The following ADAMTS16 variants were observed in gnomAD, a reference collection of about 807,000 sequenced individuals.
The protein encoded by ADAMTS16 is ADAM metallopeptidase with thrombospondin type 1 motif 16, also known as A disintegrin and metalloproteinase with thrombospondin motifs 16.
In ADAMTS16, 94 loss-of-function variants were observed where a neutral mutation model predicts 145.8. That is an observed-to-expected ratio of 0.64 (90% CI 0.55 to 0.77). ADAMTS16 has a LOEUF of 0.77. Among genes scored for constraint, ADAMTS16 ranks in the 30% least tolerant of loss-of-function variants. The probability of loss-of-function intolerance (pLI) is 0.00; values close to 1 mark genes in which losing one functional copy is unlikely to be tolerated. For missense variants in ADAMTS16, 1,585 were observed against 1,591.5 expected (o/e 1.00, Z 0.07); for synonymous variants, 659 against 604.3 (o/e 1.09, Z -1.33).
intron 3 of ADAMTS16, among the ~76,000 whole-genome samples, chr5:5,163,924 A>C (rs907055586): frequency 2.7e-4 from 41 of 152,236 alleles, no homozygotes. Context: ...AACAGAGCAC[A>C]GGGTGAACAG....
At chr5:5,292,048 G>A (rs1739342795) in intron 18 of ADAMTS16, among the ~76,000 whole-genome samples, 1 of 152,204 alleles carries the variant, frequency 6.6e-6, no homozygotes, top group Non-Finnish European at 1.5e-5. Context: ...TGGACAGACA[G>A]AATGGCCCTC....
chr5:5,271,192 A>G (rs1391524640), intron 18 of ADAMTS16, among the ~76,000 whole-genome samples: 2 of 152,242 alleles, frequency 1.3e-5, no homozygotes, highest in Non-Finnish European at 2.9e-5. Context: ...GGCTCCTGCA[A>G]TTGCATTGCC....
intron 17 of ADAMTS16, among the ~76,000 whole-genome samples, chr5:5,261,563 T>C (rs1343161777): frequency 1.3e-5 from 2 of 149,596 alleles, no homozygotes; most frequent in Non-Finnish European, 3.0e-5. Context: ...CTCTGCTCAC[T>C]GCAACCTCCA....
At chr5:5,235,308 C>A (rs569043331) in intron 13 of ADAMTS16, 122 bp downstream of exon 13, 2 of 1,051,380 alleles carry the variant, frequency 1.9e-6, no homozygotes, top group Non-Finnish European at 2.5e-6. Context: ...AGGTGAGGGT[C>A]GCATATTCTC....
At chr5:5,157,379 G>A (rs1455178414) in intron 3 of ADAMTS16, among the ~76,000 whole-genome samples, 1 of 151,234 alleles carries the variant, frequency 6.6e-6, no homozygotes, top group East Asian at 1.9e-4. Flanking sequence ...TAGCAGTTTT[G>A]TAGCAAAAAT....
chr5:5,175,792 C>T (rs1247712912), intron 3 of ADAMTS16, among the ~76,000 whole-genome samples: 3 of 152,104 alleles, frequency 2.0e-5, no homozygotes, highest in Non-Finnish European at 4.4e-5. Flanking sequence ...GATAGGGCAG[C>T]ACTGAATTCC....
chr5:5,196,857 T>C (rs977454235), intron 8 of ADAMTS16, among the ~76,000 whole-genome samples: 5 of 152,170 alleles, frequency 3.3e-5, no homozygotes, highest in African/African-American at 1.2e-4. Context: ...GGGGGTCAAG[T>C]AATTTGCCCA....
At chr5:5,227,902 T>C (rs1328164165) in intron 11 of ADAMTS16, among the ~76,000 whole-genome samples, 1 of 152,210 alleles carries the variant, frequency 6.6e-6, no homozygotes, top group Non-Finnish European at 1.5e-5. Flanking sequence ...GAATATTATG[T>C]ATCTGTAAAA....
chr5:5,277,334 T>A (rs982423696), intron 18 of ADAMTS16, among the ~76,000 whole-genome samples: 1 of 152,114 alleles, frequency 6.6e-6, no homozygotes, highest in South Asian at 2.1e-4. Flanking sequence ...ACTTACTGAG[T>A]GACAGACAGC....
At chr5:5,170,746 A>G (rs1419603700) in intron 3 of ADAMTS16, among the ~76,000 whole-genome samples, 1 of 151,518 alleles carries the variant, frequency 6.6e-6, no homozygotes, top group African/African-American at 2.4e-5. Flanking sequence ...AGCTCCTTAT[A>G]TATTCTGGTT....
chr5:5,230,191 G>T (rs1380016634), intron 11 of ADAMTS16, among the ~76,000 whole-genome samples: 1 of 152,128 alleles, frequency 6.6e-6, no homozygotes. Flanking sequence ...CCAACAAACA[G>T]ATCCATTATT....
intron 21 of ADAMTS16, 49 bp from the exon 22 acceptor site, chr5:5,318,085 G>T: frequency 1.5e-6 from 2 of 1,316,420 alleles, no homozygotes; most frequent in East Asian, 2.9e-5. Context: ...GGTTGACCAG[G>T]TGCCTGAGAG....
chr5:5,293,016 C>A (rs1405845297), intron 18 of ADAMTS16, among the ~76,000 whole-genome samples: 1 of 152,162 alleles, frequency 6.6e-6, no homozygotes, highest in Non-Finnish European at 1.5e-5. Context: ...CAGTGCATCT[C>A]ATGGGAATGG....
At chr5:5,254,151 A>G (rs1425290088) in intron 17 of ADAMTS16, among the ~76,000 whole-genome samples, 1 of 151,924 alleles carries the variant, frequency 6.6e-6, no homozygotes, top group Non-Finnish European at 1.5e-5. Context: ...TTCAGGCTTG[A>G]TTTTTTTCAA....
At chr5:5,259,124 G>C (rs184943621) in intron 17 of ADAMTS16, among the ~76,000 whole-genome samples, 2 of 152,292 alleles carry the variant, frequency 1.3e-5, no homozygotes, top group East Asian at 3.9e-4. Context: ...CACTGACAGC[G>C]ATAATTTTCT....
chr5:5,306,510 G>C lies in ADAMTS16; in HGVS notation c.3193G>C (p.Val1065Leu), dbSNP rs1740165511. Residue 1065 changes from valine (V) to leucine (L), a missense_variant, in exon 21 of 23, where the codon GTG becomes CTG. Val to Leu is a conservative substitution (Grantham distance 32). Around this residue, in one of 3 missense-constraint regions of ADAMTS16, gnomAD observed 834 missense variants for 811.7 expected, o/e 1.03. Transcript: ENST00000274181. ...WLVSAWSQCS[V>L]TCERGTQKRF... is the part of the protein sequence containing the mutation. ...TTTGTTCTCTTCTTTTTAGTGCTCT[G>C]TGACATGTGAAAGAGGAACACAGAA... 1 of 1,612,672 alleles carries C rather than the reference G, an allele frequency of 6.2e-7. No individual in the cohort carries two copies. The highest frequency in any genetic ancestry group is 8.5e-7 in the Non-Finnish European group (1 of 1,178,962).
chr5:5,230,246 G>A (rs1736884374), intron 11 of ADAMTS16, among the ~76,000 whole-genome samples: 1 of 152,212 alleles, frequency 6.6e-6, no homozygotes, highest in Non-Finnish European at 1.5e-5. Flanking sequence ...GGGAGAGTTT[G>A]AATGTGGAGA....
chr5:5,195,686 G>C (rs961457092), intron 8 of ADAMTS16, among the ~76,000 whole-genome samples: 9 of 152,190 alleles, frequency 5.9e-5, no homozygotes, highest in African/African-American at 2.2e-4. Flanking sequence ...TATTAACTGT[G>C]TGCAGAAGTA....
chr5:5,272,611 T>A (rs899771709), intron 18 of ADAMTS16, among the ~76,000 whole-genome samples: 1 of 152,006 alleles, frequency 6.6e-6, no homozygotes, highest in Non-Finnish European at 1.5e-5. Context: ...GTGATCCGCC[T>A]GCCTCGGCCT....
Sources: allele counts gnomAD v4.1 joint callset (sites outside exome capture counted in the v4.1 genomes callset), GRCh38; gene constraint gnomAD v4.1.1; regional missense constraint gnomAD v4.1.1; transcripts MANE v1.5; gene names NCBI Gene and HGNC (gene_info 2026-07-23, HGNC 2026-07-21).